Variants in RBFOX1 observed in about 807,000 individuals in gnomAD.
RBFOX1 encodes RNA binding fox-1 homolog 1.
RBFOX1 carries 8 observed loss-of-function variants against 57.7 expected under a neutral mutation model. The observed-to-expected ratio is 0.14, with a 90% CI of 0.08 to 0.25. RBFOX1 has a LOEUF of 0.25. RBFOX1 is among the 10% of genes least tolerant of loss of function. The pLI, the probability that RBFOX1 is intolerant of heterozygous loss-of-function variation, is 1.00. For synonymous variants in RBFOX1, 326 were observed against 222.4 expected (o/e 1.47, Z -4.15); for missense variants, 611 against 548.5 (o/e 1.11, Z -1.14).
At chr16:5,788,629 A>T (rs978413446) in intron 3 of RBFOX1, among the ~76,000 whole-genome samples, 4 of 152,196 alleles carry the variant, frequency 2.6e-5, no homozygotes, top group African/African-American at 7.2e-5. Flanking sequence ...ACTTAGTCTC[A>T]ATAAATAAAT....
chr16:6,837,238 C>G (rs565177900), intron 3 of RBFOX1, among the ~76,000 whole-genome samples: 14 of 152,318 alleles, frequency 9.2e-5, no homozygotes, highest in African/African-American at 3.4e-4. Context: ...TGTTTTAACA[C>G]TTGCATATTG....
At chr16:6,880,579 G>A (rs901259233) in intron 3 of RBFOX1, among the ~76,000 whole-genome samples, 3 of 152,140 alleles carry the variant, frequency 2.0e-5, no homozygotes, top group Non-Finnish European at 4.4e-5. Flanking sequence ...GCCAGAATCT[G>A]TTTTTCTTTC....
intron 2 of RBFOX1, among the ~76,000 whole-genome samples, chr16:6,450,839 GTA>G (rs1202016714): frequency 0.032 from 429 of 13,554 alleles, 21 homozygotes; most frequent in South Asian, 0.086. Flanking sequence ...ATATATATGT[GTA>G]TATATATATA....
At chr16:6,813,276 C>G (rs11864697) in intron 3 of RBFOX1, among the ~76,000 whole-genome samples, 36,457 of 152,054 alleles carry the variant, frequency 0.24, 6,895 homozygotes, top group African/African-American at 0.52. Context: ...TCTGGCAGTC[C>G]TCAAAACAGC....
intron 4 of RBFOX1, among the ~76,000 whole-genome samples, chr16:7,368,680 T>C (rs2097510462): frequency 6.6e-6 from 1 of 151,220 alleles, no homozygotes; most frequent in African/African-American, 2.4e-5. Context: ...CTCAGGAGGC[T>C]GAGGCAGGAG....
intron 4 of RBFOX1, among the ~76,000 whole-genome samples, chr16:6,000,976 G>A (rs2060589635): frequency 6.6e-6 from 1 of 152,042 alleles, no homozygotes; most frequent in Non-Finnish European, 1.5e-5. Flanking sequence ...TGAGTGGATG[G>A]GTGGATGGAT....
chr16:5,563,793 C>T (rs2045969579), intron 2 of RBFOX1, among the ~76,000 whole-genome samples: 1 of 152,176 alleles, frequency 6.6e-6, no homozygotes, highest in Non-Finnish European at 1.5e-5. Flanking sequence ...GGAACATTTT[C>T]ATCACCCCCA....
intron 3 of RBFOX1, among the ~76,000 whole-genome samples, chr16:6,788,335 G>T (rs1355716000): frequency 6.6e-6 from 1 of 151,962 alleles, no homozygotes; most frequent in Non-Finnish European, 1.5e-5. Context: ...ATTTTATTCA[G>T]GTTCAACACA....
At chr16:5,292,767 G>A (rs1357714693) in intron 1 of RBFOX1, among the ~76,000 whole-genome samples, 3 of 152,010 alleles carry the variant, frequency 2.0e-5, no homozygotes, top group South Asian at 2.1e-4. Flanking sequence ...GGGCTTACAG[G>A]CATGTGTCAC....
intron 1 of RBFOX1, among the ~76,000 whole-genome samples, chr16:6,072,548 G>A (rs59189656): frequency 6.6e-6 from 1 of 151,412 alleles, no homozygotes; most frequent in Non-Finnish European, 1.5e-5. Flanking sequence ...TTCCATAGTG[G>A]CTACATATCT....
chr16:5,615,799 C>A (rs2048001893), intron 3 of RBFOX1, among the ~76,000 whole-genome samples: 1 of 152,224 alleles, frequency 6.6e-6, no homozygotes, highest in African/African-American at 2.4e-5. Flanking sequence ...GTTTCTGCCC[C>A]ATGATGGGAG....
intron 2 of RBFOX1, among the ~76,000 whole-genome samples, chr16:5,470,663 A>C (rs567857983): frequency 6.6e-6 from 1 of 151,816 alleles, no homozygotes; most frequent in South Asian, 2.1e-4. Flanking sequence ...CTCTTTTTCT[A>C]CCATGGAGTG....
chr16:6,561,279 A>C (rs2097175885), intron 2 of RBFOX1, among the ~76,000 whole-genome samples: 1 of 152,202 alleles, frequency 6.6e-6, no homozygotes, highest in Non-Finnish European at 1.5e-5. Context: ...AGAATGTTAC[A>C]GTCTGCTGGG....
At chr16:6,135,655 A>G (rs949939652) in intron 1 of RBFOX1, among the ~76,000 whole-genome samples, 2 of 152,178 alleles carry the variant, frequency 1.3e-5, no homozygotes, top group East Asian at 3.8e-4. Context: ...AAAAAAAACC[A>G]TGAACACTAA....
chr16:5,360,452 C>T (rs2065514539), intron 1 of RBFOX1, among the ~76,000 whole-genome samples: 1 of 152,330 alleles, frequency 6.6e-6, no homozygotes, highest in South Asian at 2.1e-4. Context: ...GGGAGGCTTC[C>T]TGTGGGTCAC....
At chr16:7,611,679 G>T (rs1261512834) in intron 10 of RBFOX1, among the ~76,000 whole-genome samples, 1 of 152,116 alleles carries the variant, frequency 6.6e-6, no homozygotes, top group Non-Finnish European at 1.5e-5. Flanking sequence ...GGGCGAGGCA[G>T]GAAGAGCCAT....
intron 4 of RBFOX1, among the ~76,000 whole-genome samples, chr16:5,957,747 T>C (rs1181859782): frequency 6.6e-6 from 1 of 152,198 alleles, no homozygotes; most frequent in Non-Finnish European, 1.5e-5. Context: ...ACGCATGCAA[T>C]GTACCACAGT....
At chr16:6,376,673 A>G (rs534613463) in intron 2 of RBFOX1, among the ~76,000 whole-genome samples, 2 of 152,160 alleles carry the variant, frequency 1.3e-5, no homozygotes, top group African/African-American at 4.8e-5. Context: ...TAATGGTTTC[A>G]TGACTCCTGT....
At chr16:5,977,160 C>G (rs1030488762) in intron 4 of RBFOX1, among the ~76,000 whole-genome samples, 3 of 152,278 alleles carry the variant, frequency 2.0e-5, no homozygotes, top group Middle Eastern at 6.8e-3. Flanking sequence ...CCACCCATCT[C>G]TGTAGCTATA....
Sources: allele counts gnomAD v4.1 joint callset (sites outside exome capture counted in the v4.1 genomes callset), GRCh38; gene constraint gnomAD v4.1.1; transcripts MANE v1.5; gene names NCBI Gene and HGNC (gene_info 2026-07-23, HGNC 2026-07-21).